The following BBX variants were observed in gnomAD, a reference collection of about 807,000 sequenced individuals.
The protein encoded by BBX is BBX high mobility group box domain containing.
In BBX, 30 loss-of-function variants were observed where a neutral mutation model predicts 100.2. The observed-to-expected ratio is 0.30, with a 90% confidence interval of 0.22 to 0.41. The LOEUF (loss-of-function observed/expected upper bound fraction) is 0.41, where lower values mean the gene tolerates loss of function less well. Ranked by LOEUF, BBX falls within the 10% of genes least tolerant of loss-of-function variation. The probability of loss-of-function intolerance (pLI) is 1.00; values close to 1 mark genes in which losing one functional copy is unlikely to be tolerated. For missense variants in BBX, 1,023 were observed against 1,129.8 expected (o/e 0.91, Z 1.35); for synonymous variants, 376 against 388.1 (o/e 0.97, Z 0.37).
intron 2 of BBX, among the ~76,000 whole-genome samples, chr3:107,583,208 G>T (rs2052414010): frequency 1.3e-5 from 2 of 151,944 alleles, no homozygotes; most frequent in Non-Finnish European, 2.9e-5. Context: ...TTTTTTTAAG[G>T]CTTATACTGT....
intron 14 of BBX, among the ~76,000 whole-genome samples, chr3:107,790,206 G>T (rs1261458293): frequency 1.3e-5 from 2 of 151,964 alleles, no homozygotes; most frequent in Non-Finnish European, 2.9e-5. Context: ...ACTATTCTTG[G>T]TTTTCACATG....
chr3:107,647,883 C>G (rs1559915605), intron 3 of BBX, among the ~76,000 whole-genome samples: 2 of 152,066 alleles, frequency 1.3e-5, no homozygotes, highest in African/African-American at 4.8e-5. Flanking sequence ...ACATGTCTTG[C>G]AGAGGAAAGA....
At chr3:107,747,885 G>C in intron 8 of BBX, 80 bp from the exon 9 acceptor site, 1 of 1,232,236 alleles carries the variant, frequency 8.1e-7, no homozygotes, top group Non-Finnish European at 1.2e-6. Flanking sequence ...AGTGTCTACA[G>C]TTGAAAATAT....
chr3:107,691,033 A>G (rs1316111098), intron 3 of BBX, among the ~76,000 whole-genome samples: 1 of 150,736 alleles, frequency 6.6e-6, no homozygotes, highest in African/African-American at 2.4e-5. Flanking sequence ...CAACCTCCTA[A>G]GTAGCTAGGA....
intron 13 of BBX, among the ~76,000 whole-genome samples, chr3:107,783,751 C>T (rs1217169691): frequency 6.6e-6 from 1 of 151,950 alleles, no homozygotes; most frequent in African/African-American, 2.4e-5. Context: ...TTTTAGATAC[C>T]TGTAATATTA....
At chr3:107,529,854 G>A (rs541748840) in intron 2 of BBX, among the ~76,000 whole-genome samples, 2 of 151,790 alleles carry the variant, frequency 1.3e-5, no homozygotes, top group South Asian at 4.2e-4. Context: ...AAGGAAACAG[G>A]TAAGAATTGA....
intron 12 of BBX, among the ~76,000 whole-genome samples, chr3:107,776,798 A>G (rs1003260419): frequency 1.3e-5 from 2 of 152,312 alleles, no homozygotes; most frequent in African/African-American, 4.8e-5. Flanking sequence ...TTGGGTATTC[A>G]GAGTATTTGA....
chr3:107,805,085 G>A (rs1009921030), intron 17 of BBX, among the ~76,000 whole-genome samples: 1 of 152,098 alleles, frequency 6.6e-6, no homozygotes, highest in African/African-American at 2.4e-5. Flanking sequence ...AATGGAAGTG[G>A]TTAGTTGTTT....
Position 107,715,881 on chromosome 3 carries a change from T to C in BBX, c.163-726T>C, listed in dbSNP as rs569623991. ...GAGGATTCAAAATTGATTTTGAAGG[T>C]TTAAGCCTAGAGGAGTTTATTCCTA... On this transcript the variant is annotated intron_variant, in intron 4 of 17. Transcript: ENST00000325805. 5.9e-5 allele frequency among the ~76,000 whole-genome samples: 9 copies of C among 152,348 alleles called. No individual in the cohort carries two copies. The South Asian group carries it at 1.2e-3, about 21-fold the overall frequency.
chr3:107,755,385 A>T (rs1376277407), intron 9 of BBX, among the ~76,000 whole-genome samples: 1 of 152,176 alleles, frequency 6.6e-6, no homozygotes, highest in Non-Finnish European at 1.5e-5. Flanking sequence ...TCTTACTGTT[A>T]AACAGCCATA....
intron 10 of BBX, among the ~76,000 whole-genome samples, chr3:107,763,175 A>G (rs1426873674): frequency 6.6e-6 from 1 of 151,988 alleles, no homozygotes; most frequent in Non-Finnish European, 1.5e-5. Context: ...CAGGGGATAC[A>G]CAGCCTCCAC....
chr3:107,747,663 T>A (rs931876533), intron 8 of BBX, among the ~76,000 whole-genome samples: 2 of 152,072 alleles, frequency 1.3e-5, no homozygotes, highest in Non-Finnish European at 2.9e-5. Flanking sequence ...CCTTTTTTTT[T>A]TTTTAAGTAA....
At chr3:107,780,027 T>A (rs977421052) in intron 13 of BBX, among the ~76,000 whole-genome samples, 1 of 152,062 alleles carries the variant, frequency 6.6e-6, no homozygotes, top group South Asian at 2.1e-4. Flanking sequence ...GAAAATAAAA[T>A]AGGGTCGTAT....
Position 107,755,680 on chromosome 3 carries a change from C to T in BBX, c.906+2C>T. 6.2e-7 allele frequency: 1 copy of T among 1,611,266 alleles called. No individual in the cohort carries two copies. Among genetic ancestry groups the T allele is most frequent in the East Asian group, 2.2e-5 (1 of 44,836 alleles). On this transcript the variant is annotated splice_donor_variant, in intron 10 of 17. Transcript: ENST00000325805. LOFTEE classifies it low-confidence loss of function (GC_TO_GT_DONOR). ...TCTGCACTCTTTCAACTGGCAGAGGCAAGTTCCTAAGAATATATTGAGATA... is the reference window on the plus strand; with the variant it reads ...TCTGCACTCTTTCAACTGGCAGAGGTAAGTTCCTAAGAATATATTGAGATA...
chr3:107,662,344 A>G (rs1293169639), intron 3 of BBX, among the ~76,000 whole-genome samples: 1 of 152,104 alleles, frequency 6.6e-6, no homozygotes, highest in Non-Finnish European at 1.5e-5. Flanking sequence ...TGAATCCCTG[A>G]CGGTGGCGGG....
At chr3:107,792,098 C>A (rs772017406) in intron 15 of BBX, among the ~76,000 whole-genome samples, 46 of 152,316 alleles carry the variant, frequency 3.0e-4, no homozygotes, top group Middle Eastern at 3.4e-3. Flanking sequence ...TTTCTCACGG[C>A]CATATTTATT....
chr3:107,729,633 C>T (rs181998671), intron 6 of BBX, among the ~76,000 whole-genome samples: 1 of 152,260 alleles, frequency 6.6e-6, no homozygotes, highest in Admixed American at 6.5e-5. Flanking sequence ...TTAGCTATTA[C>T]AGTGCAGTAA....
intron 2 of BBX, among the ~76,000 whole-genome samples, chr3:107,616,927 A>G (rs2055336065): frequency 2.0e-5 from 3 of 152,072 alleles, no homozygotes; most frequent in Admixed American, 1.3e-4. Context: ...CCTTTTATGG[A>G]TCATGCTTCT....
intron 2 of BBX, among the ~76,000 whole-genome samples, chr3:107,578,260 G>A (rs986958351): frequency 1.3e-5 from 2 of 152,142 alleles, no homozygotes; most frequent in African/African-American, 4.8e-5. Flanking sequence ...GGGAGACATG[G>A]GGGGAGTAGT....
Sources: allele counts gnomAD v4.1 joint callset (sites outside exome capture counted in the v4.1 genomes callset), GRCh38; gene constraint gnomAD v4.1.1; transcripts MANE v1.5; gene names NCBI Gene and HGNC (gene_info 2026-07-23, HGNC 2026-07-21).